The following SEC16B variants were observed in gnomAD, a reference collection of about 807,000 sequenced individuals.
SEC16B encodes the protein SEC16 homolog B, endoplasmic reticulum export factor.
SEC16B carries 115 observed loss-of-function variants against 141.8 expected under a neutral mutation model. That is an observed-to-expected ratio of 0.81 (90% CI 0.70 to 0.95). The LOEUF (loss-of-function observed/expected upper bound fraction) is 0.95, where lower values mean the gene tolerates loss of function less well. Among genes scored for constraint, SEC16B ranks in the 40% least tolerant of loss-of-function variants. The pLI is 0.00. For synonymous variants in SEC16B, 493 were observed against 492.5 expected (o/e 1.00, Z -0.01); for missense variants, 1,291 against 1,312.3 (o/e 0.98, Z 0.25).
chr1:177,946,255 G>T (rs1316694323), intron 14 of SEC16B, 165 bp downstream of exon 14: 2 of 687,052 alleles, frequency 2.9e-6, no homozygotes, highest in Non-Finnish European at 5.3e-6. Flanking sequence ...GGCCCACGGG[G>T]CATCTCCTTG....
chr1:177,974,677 T>C (rs869286), upstream of SEC16B, among the ~76,000 whole-genome samples: 39,957 of 151,954 alleles, frequency 0.26, 6,076 homozygotes, highest in East Asian at 0.48. Flanking sequence ...TTCTACAGCA[T>C]ATGGAAATTA....
intron 2 of SEC16B, among the ~76,000 whole-genome samples, chr1:177,966,502 T>C (rs1341959483): frequency 6.6e-6 from 1 of 152,174 alleles, no homozygotes; most frequent in Non-Finnish European, 1.5e-5. Flanking sequence ...ACGCCTCTCT[T>C]TGAGAATTCA....
At chr1:177,966,119 T>A in intron 2 of SEC16B, 114 bp from the exon 3 acceptor site, 1 of 564,230 alleles carries the variant, frequency 1.8e-6, no homozygotes, top group Non-Finnish European at 3.0e-6. Context: ...GACCCCAGCC[T>A]AGAATCTGCT....
intron 20 of SEC16B, among the ~76,000 whole-genome samples, chr1:177,935,195 C>T (rs1650743107): frequency 6.6e-6 from 1 of 152,128 alleles, no homozygotes; most frequent in African/African-American, 2.4e-5. Context: ...ATGCCTGGCG[C>T]GTATAGTTGT....
rs1653665836 is a variant in SEC16B, at chr1:177,967,811, C to T, written c.171G>A (p.Gln57=). The change falls in exon 2 of 26, where the codon CAG becomes CAA. Residue 57 remains glutamine (Q), a synonymous_variant. Coordinates refer to ENST00000308284, the MANE Select transcript of SEC16B (RefSeq NM_033127.4). ...HQWQDNRGSP[Q]PQQEPRADHQ... is the part of the protein sequence containing the mutation. ...GGTCTGCCCTGGGCTCCTGCTGTGG[C>T]TGGGGGCTCCCACGGTTGTCTTGCC... 1 of 1,613,892 alleles carries T rather than the reference C, an allele frequency of 6.2e-7. No individual in the cohort carries two copies. Among genetic ancestry groups the T allele is most frequent in the South Asian group, 1.1e-5 (1 of 91,086 alleles).
chr1:177,944,334 G>A (rs1651507291), intron 15 of SEC16B, among the ~76,000 whole-genome samples: 1 of 152,194 alleles, frequency 6.6e-6, no homozygotes, highest in South Asian at 2.1e-4. Context: ...AGTGAGGCAG[G>A]AGCCTCCAGC....
chr1:177,961,529 C>A, intron 6 of SEC16B, 61 bp downstream of exon 6: 2 of 1,542,008 alleles, frequency 1.3e-6, no homozygotes, highest in Non-Finnish European at 1.7e-6. Flanking sequence ...TTCCCAGAGA[C>A]TTGCCACCCA....
chr1:177,962,084 T>A (rs556507019), intron 5 of SEC16B, among the ~76,000 whole-genome samples: 52 of 152,186 alleles, frequency 3.4e-4, no homozygotes, highest in Non-Finnish European at 6.0e-4. Context: ...ATAAACAATT[T>A]TCTTTTTTGA....
chr1:177,932,358 C>T (rs1169608192), intron 24 of SEC16B, 132 bp downstream of exon 24: 1 of 630,566 alleles, frequency 1.6e-6, no homozygotes. Flanking sequence ...TTATGACAGC[C>T]TGAGCAAACT....
At chr1:177,961,847 A>T (rs909000857) in intron 5 of SEC16B, 113 bp from the exon 6 acceptor site, 1 of 994,648 alleles carries the variant, frequency 1.0e-6, no homozygotes, top group African/African-American at 1.6e-5. Context: ...TTGAAAGGAT[A>T]AAAAGAGATA....
chr1:177,965,438 C>A (rs925445701), intron 3 of SEC16B, among the ~76,000 whole-genome samples: 1 of 139,092 alleles, frequency 7.2e-6, no homozygotes, highest in African/African-American at 3.0e-5. Context: ...ACAGATTTAT[C>A]TTTCCTAGCA....
intron 11 of SEC16B, among the ~76,000 whole-genome samples, chr1:177,952,360 G>A (rs749655012): frequency 2.6e-5 from 4 of 152,016 alleles, no homozygotes; most frequent in Non-Finnish European, 4.4e-5. Flanking sequence ...CTTCTCCATC[G>A]GCACCCCCCT....
intron 1 of SEC16B, among the ~76,000 whole-genome samples, chr1:177,975,324 T>A (rs1474598532): frequency 6.6e-6 from 1 of 152,210 alleles, no homozygotes; most frequent in African/African-American, 2.4e-5. Context: ...TATAAATGAA[T>A]GGACACCTTA....
Position 177,958,113 on chromosome 1 carries a change from G to GGGGGAA in SEC16B, c.1365+13_1365+18dup. ...GTGATTGCTTTTTCAAAATAAGTAT[G>GGGGGAA]GGGGAAGGGCATACTTGCCTTCTTC... On this transcript the variant is annotated intron_variant, in intron 10 of 25. Transcript: ENST00000308284. 6.9e-7 allele frequency: 1 copy of GGGGGAA among 1,451,290 alleles called. No homozygotes were observed. Among genetic ancestry groups the GGGGGAA allele is most frequent in the Non-Finnish European group, 9.2e-7 (1 of 1,091,114 alleles). 89.9% of individuals were successfully genotyped at this position (1,451,290 alleles called of 1,614,324 possible).
intron 1 of SEC16B, among the ~76,000 whole-genome samples, chr1:177,979,138 C>T (rs10753175): frequency 0.14 from 20,994 of 152,056 alleles, 1,799 homozygotes; most frequent in East Asian, 0.42. Context: ...TTAGTAATAG[C>T]CATGTAATAT....
At chr1:177,931,671 C>T (rs1349415032) in intron 24 of SEC16B, among the ~76,000 whole-genome samples, 1 of 152,162 alleles carries the variant, frequency 6.6e-6, no homozygotes, top group Non-Finnish European at 1.5e-5. Flanking sequence ...TGGAAACAAC[C>T]AACCCCTGGG....
At chr1:177,983,413 G>A (rs942536648) in intron 1 of SEC16B, among the ~76,000 whole-genome samples, 1 of 152,026 alleles carries the variant, frequency 6.6e-6, no homozygotes, top group Non-Finnish European at 1.5e-5. Context: ...CACATAGAGA[G>A]GTGACAATCA....
intron 1 of SEC16B, among the ~76,000 whole-genome samples, chr1:177,976,992 G>C (rs1233453531): frequency 1.3e-5 from 2 of 152,140 alleles, no homozygotes; most frequent in South Asian, 2.1e-4. Context: ...TGTTGTTTCA[G>C]GAACAATGCA....
At chr1:177,930,306 G>A (rs1042408247) in intron 25 of SEC16B, among the ~76,000 whole-genome samples, 1 of 152,064 alleles carries the variant, frequency 6.6e-6, no homozygotes, top group Non-Finnish European at 1.5e-5. Context: ...ATTTAAACAT[G>A]ATATTAATAG....
Sources: gnomAD v4.1 joint callset for allele counts (sites outside exome capture counted in the v4.1 genomes callset) on GRCh38, gnomAD v4.1.1 for gene constraint, MANE v1.5 for transcripts, NCBI Gene and HGNC (gene_info 2026-07-23, HGNC 2026-07-21) for gene names.